The following PRXL2A variants were observed in gnomAD, a reference collection of about 807,000 sequenced individuals.
PRXL2A encodes peroxiredoxin like 2A.
In PRXL2A, 26 loss-of-function variants were observed where a neutral mutation model predicts 25.6. The observed-to-expected ratio is 1.02, with a 90% CI of 0.74 to 1.41. PRXL2A has a LOEUF of 1.41. Ranked by LOEUF, PRXL2A falls within the 40% of genes most tolerant of loss-of-function variation. The pLI is 0.00. For synonymous variants in PRXL2A, 98 were observed against 102.9 expected (o/e 0.95, Z 0.29); for missense variants, 246 against 273.9 (o/e 0.90, Z 0.72).
At chr10:80,414,665 CT>C (rs1844593057) in intron 1 of PRXL2A, among the ~76,000 whole-genome samples, 1 of 152,158 alleles carries the variant, frequency 6.6e-6, no homozygotes, top group Admixed American at 6.5e-5. Context: ...TTCCTGTTGA[CT>C]TGGGTCCAGG....
In PRXL2A at chr10:80,432,870, T is replaced by G. The variant is rs1287722708; in HGVS notation, c.*771T>G. On this transcript the variant is annotated 3_prime_UTR_variant, in exon 6 of 6. Coordinates refer to ENST00000606162, the MANE Select transcript of PRXL2A (RefSeq NM_032333.5). Reference sequence around the variant, plus strand: ...ATAATAGAATTGACATGCTCTGGGATAGTTTGACAAAGGTAAATTATAAAG... The same window carrying G: ...ATAATAGAATTGACATGCTCTGGGAGAGTTTGACAAAGGTAAATTATAAAG... The G allele has an allele frequency of 1.3e-5, 2 of 152,152 alleles. No individual in the cohort carries two copies. The highest frequency in any genetic ancestry group is 3.8e-4 in the East Asian group (2 of 5,202). The allele number at this position is 152,152 out of a possible 1,614,324, so 9.4% of individuals were successfully genotyped here. A position where few individuals can be genotyped will look rare whatever the true frequency, so the allele number is the denominator to read the frequency against.
intron 1 of PRXL2A, chr10:80,413,845 C>G: frequency 8.3e-7 from 1 of 1,201,518 alleles, no homozygotes; most frequent in Non-Finnish European, 1.1e-6. Context: ...ACTTCTTTGT[C>G]AAGAGAAGCA....
intron 1 of PRXL2A, among the ~76,000 whole-genome samples, chr10:80,414,881 A>G (rs180918349): frequency 1.2e-3 from 182 of 152,352 alleles, no homozygotes; most frequent in Non-Finnish European, 1.9e-3. Flanking sequence ...TTAGAGACCC[A>G]TGTGAAAATG....
intron 1 of PRXL2A, chr10:80,420,057 C>T (rs1159394574): frequency 2.0e-6 from 2 of 986,240 alleles, no homozygotes; most frequent in Non-Finnish European, 2.4e-6. Flanking sequence ...TCCTGAGCCA[C>T]CTGGATTGTG....
chr10:80,418,634 C>G (rs532062172), intron 1 of PRXL2A, among the ~76,000 whole-genome samples: 52 of 152,350 alleles, frequency 3.4e-4, no homozygotes, highest in African/African-American at 1.3e-3. Flanking sequence ...ACCACACCCA[C>G]TCCCAGGCCT....
At chr10:80,422,282 CG>C in intron 2 of PRXL2A, 134 bp from the exon 3 acceptor site, 1 of 604,692 alleles carries the variant, frequency 1.7e-6, no homozygotes, top group East Asian at 2.7e-5. Context: ...TCTTTTCCCA[CG>C]TGTGAAATGC....
Position 80,420,529 on chromosome 10 carries a change from C to T in PRXL2A, c.62C>T (p.Ala21Val). 1.2e-6 allele frequency: 2 copies of T among 1,613,836 alleles called. No homozygotes were observed. The highest frequency in any genetic ancestry group is 1.1e-5 in the South Asian group (1 of 90,960). Residue 21 changes from alanine (A) to valine (V), a missense_variant, in exon 2 of 6, where the codon GCC (alanine) becomes GTC (valine). By Grantham distance (64) the Ala-to-Val change is moderately conservative. Transcript: ENST00000606162. ...TMGMWSIGAG[A>V]LGAAALALLL... The stretch of plus-strand genomic sequence containing the variant: ...GGGATGTGGTCCATTGGTGCAGGAG[C>T]CCTGGGGGCTGCTGCCTTGGCATTG...
chr10:80,417,587 GACAACC>G (rs1395220027), intron 1 of PRXL2A, among the ~76,000 whole-genome samples: 1 of 152,020 alleles, frequency 6.6e-6, no homozygotes, highest in East Asian at 1.9e-4. Flanking sequence ...GGCATTTCAA[GACAACC>G]ATAGCAGCAC....
chr10:80,412,978 G>A lies in PRXL2A; in HGVS notation c.-3+4335G>A, dbSNP rs556807706. Among the ~76,000 whole-genome samples, 11 of 152,282 alleles carry A rather than the reference G, an allele frequency of 7.2e-5. No homozygotes were observed. The South Asian group carries it at 2.1e-3, about 29-fold the overall frequency. ...ATTCTGTGGTTCTTGAAATAGGCTA[G>A]GGACAGAGTTATAGGATCCTGGGTT... On this transcript the variant is annotated intron_variant, in intron 1 of 5. Transcript: ENST00000606162.
At chr10:80,415,253 G>A (rs1056052230) in intron 1 of PRXL2A, among the ~76,000 whole-genome samples, 1 of 152,226 alleles carries the variant, frequency 6.6e-6, no homozygotes, top group Non-Finnish European at 1.5e-5. Flanking sequence ...CTGCCCCAGA[G>A]GGCTGAATCT....
chr10:80,416,786 G>A (rs1023086331), intron 1 of PRXL2A, among the ~76,000 whole-genome samples: 1 of 152,186 alleles, frequency 6.6e-6, no homozygotes, highest in African/African-American at 2.4e-5. Context: ...TGAATTGCCT[G>A]CCAGTCTGAC....
chr10:80,416,153 T>A (rs761118169), intron 1 of PRXL2A, among the ~76,000 whole-genome samples: 4 of 152,364 alleles, frequency 2.6e-5, no homozygotes, highest in Non-Finnish European at 5.9e-5. Flanking sequence ...TTCTGTGAAC[T>A]GTCATCCAGT....
chr10:80,431,085 AC>A (rs572065610), intron 5 of PRXL2A, among the ~76,000 whole-genome samples: 10 of 152,014 alleles, frequency 6.6e-5, no homozygotes, highest in Non-Finnish European at 1.3e-4. Flanking sequence ...TTTAGTAGAG[AC>A]CGAGTTTCAC....
At chr10:80,431,092 T>A (rs1845241227) in intron 5 of PRXL2A, among the ~76,000 whole-genome samples, 1 of 152,026 alleles carries the variant, frequency 6.6e-6, no homozygotes, top group South Asian at 2.1e-4. Flanking sequence ...GAGACCGAGT[T>A]TCACCGTGTT....
chr10:80,433,084 G>T lies in PRXL2A; in HGVS notation c.*985G>T, dbSNP rs1845322205. The stretch of plus-strand genomic sequence containing the variant: ...AGTAAAAAAAGTCAGCATTCTCCAT[G>T]GCTGAGGGGTAAAGTGCCTCGGGGG... On this transcript the variant is annotated 3_prime_UTR_variant, in exon 6 of 6. Coordinates refer to ENST00000606162, the MANE Select transcript of PRXL2A (RefSeq NM_032333.5). 1 of 152,146 alleles carries T rather than the reference G, an allele frequency of 6.6e-6. No homozygotes were observed. The highest frequency in any genetic ancestry group is 1.5e-5 in the Non-Finnish European group (1 of 68,020). The allele number at this position is 152,146 out of a possible 1,614,324, so 9.4% of individuals were successfully genotyped here. A position where few individuals can be genotyped will look rare whatever the true frequency, so the allele number is the denominator to read the frequency against.
rs940746020 is a variant in PRXL2A at position 80,435,163 on chromosome 10, G to A, written c.*3064G>A. 9.2e-5 allele frequency: 14 copies of A among 152,446 alleles called. No homozygotes were observed. The highest frequency in any genetic ancestry group is 1.3e-4 in the Non-Finnish European group (9 of 68,142). The allele number at this position is 152,446 out of a possible 1,614,324, so 9.4% of individuals were successfully genotyped here. ...CAGGAGGCGGAGGGTGCAGTGAGCCGGGATCACGCCACTGCACTTCAGCCT... is the reference window on the plus strand; with the variant it reads ...CAGGAGGCGGAGGGTGCAGTGAGCCAGGATCACGCCACTGCACTTCAGCCT... On this transcript the variant is annotated 3_prime_UTR_variant, in exon 6 of 6. Coordinates refer to ENST00000606162, the MANE Select transcript of PRXL2A (RefSeq NM_032333.5).
At chr10:80,421,891 A>G (rs930270180) in intron 2 of PRXL2A, among the ~76,000 whole-genome samples, 13 of 152,210 alleles carry the variant, frequency 8.5e-5, no homozygotes, top group African/African-American at 7.2e-5. Flanking sequence ...CCAGAGTTAC[A>G]CAGCTAGATT....
At chr10:80,430,884 C>T (rs536268870) in intron 5 of PRXL2A, among the ~76,000 whole-genome samples, 2 of 151,814 alleles carry the variant, frequency 1.3e-5, no homozygotes, top group African/African-American at 2.4e-5. Context: ...GTTTTTTGTT[C>T]GTGTTTTTGT....
At chr10:80,428,386 C>T (rs1435275113) in intron 5 of PRXL2A, among the ~76,000 whole-genome samples, 3 of 152,222 alleles carry the variant, frequency 2.0e-5, no homozygotes, top group South Asian at 4.1e-4. Flanking sequence ...GGGCTGGGCG[C>T]GGTGGCTCAC....
Sources: gnomAD v4.1 joint callset for allele counts (sites outside exome capture counted in the v4.1 genomes callset) on GRCh38, gnomAD v4.1.1 for gene constraint, MANE v1.5 for transcripts, NCBI Gene and HGNC (gene_info 2026-07-23, HGNC 2026-07-21) for gene names.